VPS37A: variants seen among roughly 807,000 people sequenced by gnomAD.
VPS37A encodes the protein VPS37A subunit of ESCRT-I, also known as vacuolar protein sorting-associated protein 37A.
VPS37A carries 30 observed loss-of-function variants against 49.8 expected under a neutral mutation model. The observed-to-expected ratio is 0.60, with a 90% confidence interval of 0.45 to 0.82. The LOEUF is 0.82. VPS37A is among the 40% of genes least tolerant of loss of function. The probability of loss-of-function intolerance (pLI) is 0.00; values close to 1 mark genes in which losing one functional copy is unlikely to be tolerated. For missense variants in VPS37A, 593 were observed against 464.4 expected (o/e 1.28, Z -2.55); for synonymous variants, 195 against 160.6 (o/e 1.21, Z -1.62).
the VPS37A span, among the ~76,000 whole-genome samples, chr8:17,313,006 T>C: frequency 2.0e-5 from 3 of 152,232 alleles, no homozygotes; most frequent in Non-Finnish European, 2.9e-5. Flanking sequence ...CATTTGGTTG[T>C]ATTCTACAGA....
chr8:17,301,988 G>A (rs939329941), downstream of VPS37A: 2 of 829,576 alleles, frequency 2.4e-6, no homozygotes, highest in South Asian at 4.0e-5. Context: ...CTAGGTTTGG[G>A]CTTCGGTTAT....
Position 17,274,937 on chromosome 8 carries a change from C to A in VPS37A, c.621C>A (p.Pro207=), listed in dbSNP as rs777846581. ...GVLSNLPLPI[P]TVDASIPTSQ... is the part of the protein sequence containing the mutation. ...TTTCAAATCTGCCATTACCCATTCCCACAGTGGATGCTTCAATACCGGTTG... is the reference window on the plus strand; with the variant it reads ...TTTCAAATCTGCCATTACCCATTCCAACAGTGGATGCTTCAATACCGGTTG... The change falls in exon 5 of 12, where the codon CCC becomes CCA. Residue 207 remains proline (P), a synonymous_variant. Coordinates refer to ENST00000324849, the MANE Select transcript of VPS37A (RefSeq NM_152415.3). The A allele has an allele frequency of 1.2e-6, 2 of 1,614,130 alleles. No individual in the cohort carries two copies. Among genetic ancestry groups the A allele is most frequent in the South Asian group, 2.2e-5 (2 of 91,082 alleles).
At position 17,247,089 on chromosome 8, in the gene VPS37A, G is replaced by C. The variant is rs1263779574; in HGVS notation, c.-156G>C. ...TAGCATGTCCCCCAGAACTCGGGGAGCGCAGGCAGGACAGGCTTAGAGAAG... is the reference window on the plus strand; with the variant it reads ...TAGCATGTCCCCCAGAACTCGGGGACCGCAGGCAGGACAGGCTTAGAGAAG... On this transcript the variant is annotated 5_prime_UTR_variant, in exon 1 of 12. Coordinates refer to ENST00000324849, the MANE Select transcript of VPS37A (RefSeq NM_152415.3). 1.0e-6 allele frequency: 1 copy of C among 957,928 alleles called. No individual in the cohort carries two copies. The allele number at this position is 957,928 out of a possible 1,614,324, so 59.3% of individuals were successfully genotyped here.
intron 4 of VPS37A, among the ~76,000 whole-genome samples, 174 bp downstream of exon 4, chr8:17,269,130 G>A (rs1333615043): frequency 6.6e-6 from 1 of 152,012 alleles, no homozygotes; most frequent in Non-Finnish European, 1.5e-5. Context: ...TTCTTCTAAT[G>A]TTTACCTACA....
At chr8:17,328,168 G>A in the VPS37A span, among the ~76,000 whole-genome samples, 1 of 152,172 alleles carries the variant, frequency 6.6e-6, no homozygotes, top group Non-Finnish European at 1.5e-5. Flanking sequence ...GATTGGCAGA[G>A]GAGGAAGATG....
At chr8:17,310,198 G>A in the VPS37A span, among the ~76,000 whole-genome samples, 4 of 151,670 alleles carry the variant, frequency 2.6e-5, no homozygotes, top group African/African-American at 7.3e-5. Flanking sequence ...ACGAGGTCTC[G>A]CCATGTTGCC....
the VPS37A span, among the ~76,000 whole-genome samples, chr8:17,312,758 C>T: frequency 6.6e-6 from 1 of 152,026 alleles, no homozygotes; most frequent in Admixed American, 6.6e-5. Context: ...ACCATGGCAT[C>T]AGGGAAGATA....
At chr8:17,317,063 A>AATGGCAGT in the VPS37A span, among the ~76,000 whole-genome samples, 1 of 152,208 alleles carries the variant, frequency 6.6e-6, no homozygotes, top group Non-Finnish European at 1.5e-5. Flanking sequence ...TAAGAATATT[A>AATGGCAGT]ATGGCAGTTT....
chr8:17,316,810 C>T, the VPS37A span, among the ~76,000 whole-genome samples: 1 of 151,996 alleles, frequency 6.6e-6, no homozygotes, highest in Non-Finnish European at 1.5e-5. Context: ...TGCAAATACA[C>T]CATGTTATTA....
chr8:17,305,409 A>G (rs1287531598), downstream of VPS37A, among the ~76,000 whole-genome samples: 1 of 152,132 alleles, frequency 6.6e-6, no homozygotes, highest in Non-Finnish European at 1.5e-5. Flanking sequence ...TAAATTTGCA[A>G]TTTTTATTAT....
chr8:17,313,196 G>A, the VPS37A span: 11 of 852,634 alleles, frequency 1.3e-5, no homozygotes, highest in African/African-American at 1.3e-4. Flanking sequence ...GTGCAGTGCA[G>A]CTTAAGACAG....
the VPS37A span, among the ~76,000 whole-genome samples, chr8:17,324,046 G>A: frequency 1.4e-4 from 21 of 152,226 alleles, no homozygotes; most frequent in Admixed American, 3.3e-4. Flanking sequence ...CTTTGATAAT[G>A]TCAAACGCTT....
chr8:17,279,072 A>T (rs1436644718), intron 6 of VPS37A, among the ~76,000 whole-genome samples: 1 of 152,146 alleles, frequency 6.6e-6, no homozygotes. Flanking sequence ...ACACATATAC[A>T]TAAACACACA....
downstream of VPS37A, chr8:17,304,540 C>G (rs769137039): frequency 1.2e-6 from 2 of 1,605,628 alleles, no homozygotes; most frequent in East Asian, 4.5e-5. Context: ...GAAAATAAGT[C>G]TATAAATGAC....
intron 11 of VPS37A, among the ~76,000 whole-genome samples, chr8:17,293,217 T>A (rs1321486269): frequency 6.6e-6 from 1 of 151,922 alleles, no homozygotes; most frequent in Non-Finnish European, 1.5e-5. Flanking sequence ...CAGTCTCTGA[T>A]ATCCTTTCTT....
At chr8:17,302,840 G>C (rs1057362138), downstream of VPS37A, among the ~76,000 whole-genome samples, 2 of 150,544 alleles carry the variant, frequency 1.3e-5, no homozygotes, top group African/African-American at 4.9e-5. Flanking sequence ...AGCCTCCCAA[G>C]TACCTGGGAT....
chr8:17,291,550 C>G (rs538827902), intron 11 of VPS37A, among the ~76,000 whole-genome samples: 1 of 148,252 alleles, frequency 6.7e-6, no homozygotes, highest in East Asian at 2.0e-4. Context: ...TTCTCTAATT[C>G]TTTTAATTGT....
chr8:17,309,881 GT>G, the VPS37A span, among the ~76,000 whole-genome samples: 1 of 152,138 alleles, frequency 6.6e-6, no homozygotes, highest in Non-Finnish European at 1.5e-5. Context: ...GGTGTTTGGG[GT>G]ATATTCAAAG....
At chr8:17,248,448 G>A (rs532306840) in intron 1 of VPS37A, 28 of 448,790 alleles carry the variant, frequency 6.2e-5, no homozygotes, top group South Asian at 3.9e-4. Context: ...CTAATATTTT[G>A]TATTTTTAGT....
Sources: allele counts gnomAD v4.1 joint callset (sites outside exome capture counted in the v4.1 genomes callset), GRCh38; gene constraint gnomAD v4.1.1; transcripts MANE v1.5; gene names NCBI Gene and HGNC (gene_info 2026-07-23, HGNC 2026-07-21).